The following VWF variants were observed in gnomAD, a reference collection of about 807,000 sequenced individuals.
VWF encodes Factor VIII related antigen.
A neutral mutation model predicts 308.6 loss-of-function variants in VWF; 176 were observed. That is an observed-to-expected ratio of 0.57 (90% CI 0.50 to 0.65). The LOEUF is 0.65. Among genes scored for constraint, VWF ranks in the 30% least tolerant of loss-of-function variants. The pLI is 0.00. For missense variants in VWF, 3,146 were observed against 3,648.2 expected, an observed-to-expected ratio of 0.86 and a Z score of 3.55; for synonymous variants, 1,385 against 1,443.4, an observed-to-expected ratio of 0.96 and a Z score of 0.92.
At chr12:5,967,453 C>T in intron 47 of VWF, 33 bp downstream of exon 47, 1 of 1,597,752 alleles carries the variant, frequency 6.3e-7, no homozygotes, top group Non-Finnish European at 8.6e-7. Flanking sequence ...CGCGTCCAGT[C>T]CATGCCCTCG....
chr12:5,952,826 T>G (rs1051371072), intron 48 of VWF, among the ~76,000 whole-genome samples: 1 of 152,196 alleles, frequency 6.6e-6, no homozygotes, highest in African/African-American at 2.4e-5. Flanking sequence ...CGAAGGGAAC[T>G]ACCTCCCAGC....
intron 6 of VWF, among the ~76,000 whole-genome samples, chr12:6,092,855 TG>T: frequency 6.6e-6 from 1 of 152,080 alleles, no homozygotes; most frequent in South Asian, 2.1e-4. Context: ...ATATGTAACA[TG>T]TATGTTTGCT....
At chr12:6,047,898 A>G (rs1248739887) in intron 16 of VWF, among the ~76,000 whole-genome samples, 1 of 152,216 alleles carries the variant, frequency 6.6e-6, no homozygotes, top group Non-Finnish European at 1.5e-5. Flanking sequence ...ATCTGCAGAC[A>G]TGTGTCCTAA....
Position 6,044,385 on chromosome 12 carries a change from G to A in VWF, c.2348C>T (p.Ala783Val). Residue 783 changes from alanine (A) to valine (V), a missense_variant, in exon 18 of 52, where the codon GCT becomes GTT. By Grantham distance (64) the Ala-to-Val change is moderately conservative (BLOSUM62 0). Transcript: ENST00000261405. ...CGTTTTGGTACACTCGAGCCCTTCAGCCCGCAGGTTGTCAGCGGGACACAC... is the reference window on the plus strand; with the variant it reads ...CGTTTTGGTACACTCGAGCCCTTCAACCCGCAGGTTGTCAGCGGGACACAC... ...KLVCPADNLR[A>V]EGLECTKTCQ... 1 of 1,614,202 alleles carries A rather than the reference G, an allele frequency of 6.2e-7. No individual in the cohort carries two copies. The highest frequency in any genetic ancestry group is 8.5e-7 in the Non-Finnish European group (1 of 1,180,040).
intron 18 of VWF, among the ~76,000 whole-genome samples, chr12:6,036,936 T>C (rs1488307657): frequency 3.3e-5 from 5 of 152,004 alleles, no homozygotes; most frequent in Non-Finnish European, 5.9e-5. Flanking sequence ...TTATTTATCA[T>C]TGCAAAAAAA....
In VWF at chr12:6,029,402, G is replaced by C; in HGVS notation, c.2907C>G (p.Ala969=). 1 of 1,614,096 alleles carries C rather than the reference G, an allele frequency of 6.2e-7. No individual in the cohort carries two copies. Among genetic ancestry groups the C allele is most frequent in the Non-Finnish European group, 8.5e-7 (1 of 1,180,036 alleles). The change falls in exon 22 of 52, where the codon GCC becomes GCG. Residue 969 remains alanine, a synonymous_variant. Coordinates refer to ENST00000261405, the MANE Select transcript of VWF (RefSeq NM_000552.5). ...GRYIILLLGK[A]LSVVWDRHLS... ...GGTGGCGGTCCCAGACCACGGAGAG[G>C]GCTTTGCCCAGCAGCAGAATGATGT...
rs758736968 is a variant in VWF at position 5,991,837 on chromosome 12, C to T, written c.6780G>A (p.Glu2260=). The change falls in exon 38 of 52, where the codon GAG becomes GAA. Residue 2260 remains glutamate (E), a synonymous_variant. Coordinates refer to ENST00000261405, the MANE Select transcript of VWF (RefSeq NM_000552.5). ...CTCCTACCTGGTGCTGGACTCCATCCTCACCAATGCACTGAGTGCAGGCCT... is the reference window on the plus strand; with the variant it reads ...CTCCTACCTGGTGCTGGACTCCATCTTCACCAATGCACTGAGTGCAGGCCT... ...PEEACTQCIG[E]DGVQHQFLEA... 6.2e-7 allele frequency: 1 copy of T among 1,614,150 alleles called. No individual in the cohort carries two copies. Among genetic ancestry groups the T allele is most frequent in the Non-Finnish European group, 8.5e-7 (1 of 1,180,026 alleles).
At chr12:6,003,555 A>G (rs1284653461) in intron 34 of VWF, among the ~76,000 whole-genome samples, 1 of 152,034 alleles carries the variant, frequency 6.6e-6, no homozygotes, top group African/African-American at 2.4e-5. Context: ...GACAACATGG[A>G]TGAACCTTGA....
chr12:6,123,224 G>A (rs1221712389), intron 1 of VWF, 28 bp from the exon 2 acceptor site: 1 of 1,613,978 alleles, frequency 6.2e-7, no homozygotes, highest in East Asian at 2.2e-5. Context: ...ACGTGAGCTG[G>A]TCATTGCTGC....
chr12:5,983,482 T>G (rs1943633964), intron 40 of VWF, among the ~76,000 whole-genome samples: 1 of 149,570 alleles, frequency 6.7e-6, no homozygotes, highest in Non-Finnish European at 1.5e-5. Context: ...GATAGATACA[T>G]ACATACATAC....
At chr12:6,076,307 G>C (rs144922387) in intron 6 of VWF, among the ~76,000 whole-genome samples, 248 of 152,270 alleles carry the variant, frequency 1.6e-3, no homozygotes, top group African/African-American at 4.9e-3. Context: ...GTTTTACCTA[G>C]AAACATCTCT....
chr12:6,015,843 T>C (rs1009578749), intron 31 of VWF, among the ~76,000 whole-genome samples: 3 of 152,132 alleles, frequency 2.0e-5, no homozygotes, highest in African/African-American at 4.8e-5. Context: ...AAAGGGAAAA[T>C]GTGGAGAAAT....
At chr12:6,036,636 AG>A (rs962834077) in intron 18 of VWF, 145 bp from the exon 19 acceptor site, 1 of 790,278 alleles carries the variant, frequency 1.3e-6, no homozygotes, top group Non-Finnish European at 2.1e-6. Context: ...GGGCTGAGCC[AG>A]GGGGACAGCT....
At chr12:5,979,907 G>A (rs1297021041) in intron 42 of VWF, among the ~76,000 whole-genome samples, 1 of 150,328 alleles carries the variant, frequency 6.7e-6, no homozygotes, top group South Asian at 2.1e-4. Context: ...CGGGCGTGGT[G>A]GCGGGCGCCT....
intron 47 of VWF, among the ~76,000 whole-genome samples, chr12:5,962,316 T>A (rs901249908): frequency 2.0e-5 from 3 of 152,148 alleles, no homozygotes; most frequent in Non-Finnish European, 2.9e-5. Flanking sequence ...AACATTTTTT[T>A]AATAAAAATT....
At chr12:6,051,039 C>CTACCGTTAA in intron 16 of VWF, among the ~76,000 whole-genome samples, 2 of 151,576 alleles carry the variant, frequency 1.3e-5, no homozygotes, top group Middle Eastern at 6.9e-3. Flanking sequence ...AATAATGGTA[C>CTACCGTTAA]CTTTACTTTT....
chr12:6,016,377 G>T, intron 30 of VWF, 139 bp downstream of exon 30: 3 of 1,434,994 alleles, frequency 2.1e-6, no homozygotes, highest in Non-Finnish European at 2.9e-6. Flanking sequence ...AGACGTGGAA[G>T]AGCATCTAGC....
chr12:6,107,460 T>C (rs1206367592), intron 5 of VWF, among the ~76,000 whole-genome samples: 2 of 152,168 alleles, frequency 1.3e-5, no homozygotes, highest in Non-Finnish European at 2.9e-5. Context: ...AATAGAGCCA[T>C]GTGGTGCTTC....
chr12:6,084,364 T>A (rs1451083360), intron 6 of VWF, among the ~76,000 whole-genome samples: 1 of 152,192 alleles, frequency 6.6e-6, no homozygotes, highest in Non-Finnish European at 1.5e-5. Flanking sequence ...TTTCAACTCC[T>A]GTCGGCCGTG....
Sources: gnomAD v4.1 joint callset for allele counts (sites outside exome capture counted in the v4.1 genomes callset) on GRCh38, gnomAD v4.1.1 for gene constraint, MANE v1.5 for transcripts, NCBI Gene and HGNC (gene_info 2026-07-23, HGNC 2026-07-21) for gene names.